RANBP17: variants seen among roughly 807,000 people sequenced by gnomAD.
RANBP17 encodes ran-binding protein 17.
In RANBP17, 158 loss-of-function variants were observed where a neutral mutation model predicts 141.2. The ratio of observed to expected loss-of-function variants is 1.12; its 90% confidence interval spans 0.98 to 1.28. RANBP17 has a LOEUF of 1.28. Among genes scored for constraint, RANBP17 ranks in the 50% most tolerant of loss-of-function variants. The probability of loss-of-function intolerance (pLI) is 0.00; values close to 1 mark genes in which losing one functional copy is unlikely to be tolerated. For missense variants in RANBP17, 1,438 were observed against 1,290.7 expected (o/e 1.11, Z -1.75); for synonymous variants, 430 against 450.0 (o/e 0.96, Z 0.56).
At chr5:171,288,700 A>G (rs1241042407) in intron 25 of RANBP17, among the ~76,000 whole-genome samples, 2 of 152,246 alleles carry the variant, frequency 1.3e-5, no homozygotes, top group African/African-American at 4.8e-5. Context: ...CCAGCAGAGC[A>G]CTGAGCACCC....
intron 22 of RANBP17, among the ~76,000 whole-genome samples, chr5:171,239,885 A>T (rs1462036310): frequency 6.6e-6 from 1 of 152,116 alleles, no homozygotes; most frequent in Non-Finnish European, 1.5e-5. Context: ...TACTCTTACC[A>T]CCTCTAACCA....
intron 22 of RANBP17, among the ~76,000 whole-genome samples, chr5:171,233,403 T>C (rs1764326745): frequency 6.6e-6 from 1 of 152,194 alleles, no homozygotes; most frequent in Non-Finnish European, 1.5e-5. Context: ...CCCCTTGGTA[T>C]TTATCCAAAG....
At chr5:171,179,651 T>C (rs1399110653) in intron 16 of RANBP17, among the ~76,000 whole-genome samples, 1 of 152,230 alleles carries the variant, frequency 6.6e-6, no homozygotes, top group Non-Finnish European at 1.5e-5. Flanking sequence ...TACACTAATA[T>C]AATTCTAAAT....
chr5:170,866,398 G>C (rs1457402557), intron 1 of RANBP17, among the ~76,000 whole-genome samples: 1 of 152,012 alleles, frequency 6.6e-6, no homozygotes, highest in Non-Finnish European at 1.5e-5. Context: ...ACTTAGGCCG[G>C]GCATGGTGGC....
intron 27 of RANBP17, among the ~76,000 whole-genome samples, chr5:171,296,930 A>C (rs1768856836): frequency 6.6e-6 from 1 of 152,252 alleles, no homozygotes; most frequent in South Asian, 2.1e-4. Context: ...ATAAAATTAA[A>C]TTAAAATTAA....
chr5:171,258,827 T>A (rs549672560), intron 24 of RANBP17, among the ~76,000 whole-genome samples: 6 of 152,030 alleles, frequency 3.9e-5, no homozygotes, highest in Non-Finnish European at 7.4e-5. Context: ...GGCAAAAAAA[T>A]TATGACAAAG....
chr5:171,175,347 C>T (rs983039572), intron 16 of RANBP17, among the ~76,000 whole-genome samples: 1 of 152,146 alleles, frequency 6.6e-6, no homozygotes, highest in African/African-American at 2.4e-5. Context: ...AATGGTATTT[C>T]TGGTTCTAGA....
At chr5:171,058,577 T>C (rs1429346720) in intron 14 of RANBP17, among the ~76,000 whole-genome samples, 1 of 151,478 alleles carries the variant, frequency 6.6e-6, no homozygotes, top group Non-Finnish European at 1.5e-5. Context: ...GACATTTGGG[T>C]TGGTTCCAAG....
chr5:171,155,094 A>AAATATATAT (rs34090443), intron 14 of RANBP17, among the ~76,000 whole-genome samples: 8 of 74,964 alleles, frequency 1.1e-4, no homozygotes, highest in African/African-American at 2.1e-4. Context: ...AAAAAAAAAA[A>AAATATATAT]ATATATATAT....
intron 14 of RANBP17, among the ~76,000 whole-genome samples, chr5:171,006,597 G>T (rs1443606723): frequency 6.6e-6 from 1 of 152,142 alleles, no homozygotes; most frequent in Admixed American, 6.5e-5. Context: ...GGCCTATTGT[G>T]GGGTGGGGGA....
At chr5:170,877,291 A>G (rs1361940082) in intron 1 of RANBP17, among the ~76,000 whole-genome samples, 1 of 152,088 alleles carries the variant, frequency 6.6e-6, no homozygotes, top group Non-Finnish European at 1.5e-5. Flanking sequence ...TTTTTGAGAC[A>G]GGGTCTTGCT....
chr5:171,249,321 CTG>C (rs890185253), intron 24 of RANBP17, among the ~76,000 whole-genome samples: 2 of 152,152 alleles, frequency 1.3e-5, no homozygotes, highest in African/African-American at 4.8e-5. Context: ...GAAAAAGTGA[CTG>C]TTAAACTGGA....
chr5:171,031,738 T>C (rs899018177), intron 14 of RANBP17, among the ~76,000 whole-genome samples: 4 of 152,020 alleles, frequency 2.6e-5, no homozygotes, highest in African/African-American at 7.2e-5. Context: ...TCCTGAGTAG[T>C]AGCAACATGT....
chr5:171,223,199 A>G (rs879658676), intron 22 of RANBP17, among the ~76,000 whole-genome samples: 1 of 152,236 alleles, frequency 6.6e-6, no homozygotes, highest in Admixed American at 6.5e-5. Flanking sequence ...TCTGATTTGT[A>G]GAATTTGAGA....
rs141521891 is a variant in RANBP17, at chr5:171,020,469, G to A, written c.1710+52092G>A. On this transcript the variant is annotated intron_variant, in intron 14 of 27. Transcript: ENST00000523189. ...AGTGCTCCTGTTTGGATGCATATAT[G>A]TTTAGAATAGTTAGCTCTTCTTGTT... is the stretch of plus-strand genomic sequence containing the variant. 6.2e-3 allele frequency among the ~76,000 whole-genome samples: 946 copies of A among 152,262 alleles called. 6 individuals are homozygous for A. The highest frequency in any genetic ancestry group is 0.034 in the Middle Eastern group (10 of 294).
At chr5:171,221,565 T>G (rs1763557729) in intron 21 of RANBP17, among the ~76,000 whole-genome samples, 193 bp from the exon 22 acceptor site, 1 of 152,222 alleles carries the variant, frequency 6.6e-6, no homozygotes, top group Non-Finnish European at 1.5e-5. Context: ...TAATTCTTCT[T>G]AATTGTCCTA....
chr5:171,088,117 C>T (rs1439235291), intron 14 of RANBP17, among the ~76,000 whole-genome samples: 1 of 151,804 alleles, frequency 6.6e-6, no homozygotes, highest in Non-Finnish European at 1.5e-5. Flanking sequence ...TGTTCCTTTC[C>T]ATGTTTAGTG....
chr5:170,941,904 A>G (rs1209066703), intron 12 of RANBP17, among the ~76,000 whole-genome samples: 1 of 152,148 alleles, frequency 6.6e-6, no homozygotes, highest in African/African-American at 2.4e-5. Flanking sequence ...TGACCCTTGA[A>G]CCGTCACATG....
chr5:171,171,236 T>C lies in RANBP17; in HGVS notation c.1815T>C (p.Tyr605=), dbSNP rs751536759. 1 of 1,598,302 alleles carries C rather than the reference T, an allele frequency of 6.3e-7. No homozygotes were observed. The highest frequency in any genetic ancestry group is 1.1e-5 in the South Asian group (1 of 89,238). Residue 605 remains tyrosine, a synonymous_variant, in exon 16 of 28, where the codon TAT becomes TAC. Coordinates refer to ENST00000523189, the MANE Select transcript of RANBP17 (RefSeq NM_022897.5). ...CAAACCTTAAATACTGGGGAAGATA[T>C]GAGCCTGTAATTTCAAGGACTCTTC... ...IVTNLKYWGR[Y]EPVISRTLQF...
Sources: gnomAD v4.1 joint callset for allele counts (sites outside exome capture counted in the v4.1 genomes callset) on GRCh38, gnomAD v4.1.1 for gene constraint, MANE v1.5 for transcripts, NCBI Gene and HGNC (gene_info 2026-07-23, HGNC 2026-07-21) for gene names.